The following SEMA6D variants were observed in gnomAD, a reference collection of about 807,000 sequenced individuals.
SEMA6D encodes semaphorin 6D.
SEMA6D carries 35 observed loss-of-function variants against 106.6 expected under a neutral mutation model. That is an observed-to-expected ratio of 0.33 (90% CI 0.25 to 0.44). The LOEUF is 0.44. Ranked by LOEUF, SEMA6D falls within the 20% of genes least tolerant of loss-of-function variation. The pLI, the probability that SEMA6D is intolerant of heterozygous loss-of-function variation, is 1.00. For synonymous variants in SEMA6D, 499 were observed against 487.7 expected (o/e 1.02, Z -0.31); for missense variants, 1,185 against 1,345.9 (o/e 0.88, Z 1.87).
At position 47,773,543 on chromosome 15, in the gene SEMA6D, A is replaced by T. The variant is rs1357916660; in HGVS notation, c.*1758A>T. The T allele has an allele frequency of 6.6e-6, 1 of 152,290 alleles. No homozygotes were observed. The highest frequency in any genetic ancestry group is 1.5e-5 in the Non-Finnish European group (1 of 68,024). 9.4% of individuals were successfully genotyped at this position (152,290 alleles called of 1,614,324 possible). ...TAATCAGGCAAATGAGTTCAACTGG[A>T]TTTCTTTTGACAATACTGTTGGTAC... On this transcript the variant is annotated 3_prime_UTR_variant, in exon 19 of 19. Coordinates refer to ENST00000536845, the MANE Select transcript of SEMA6D (RefSeq NM_001358351.3).
chr15:47,377,579 C>A (rs1035577035), intron 1 of SEMA6D, among the ~76,000 whole-genome samples: 5 of 152,134 alleles, frequency 3.3e-5, no homozygotes, highest in Non-Finnish European at 4.4e-5. Flanking sequence ...AACAAAAAAT[C>A]ATTACTCAGT....
At chr15:47,518,330 T>C (rs982740139) in intron 3 of SEMA6D, among the ~76,000 whole-genome samples, 1 of 152,206 alleles carries the variant, frequency 6.6e-6, no homozygotes, top group African/African-American at 2.4e-5. Flanking sequence ...CTTTGTCTTA[T>C]CTATTTGCTA....
intron 1 of SEMA6D, among the ~76,000 whole-genome samples, chr15:47,243,650 A>T (rs2141814656): frequency 6.6e-6 from 1 of 152,282 alleles, no homozygotes; most frequent in East Asian, 1.9e-4. Context: ...CTCTGTGTAC[A>T]ATGCCTTGAT....
chr15:47,270,044 T>C (rs2142238838), intron 1 of SEMA6D, among the ~76,000 whole-genome samples: 1 of 151,264 alleles, frequency 6.6e-6, no homozygotes, highest in East Asian at 1.9e-4. Context: ...GTTTCATAGT[T>C]TCTAGATTAC....
At chr15:47,401,551 A>G (rs968910491) in intron 1 of SEMA6D, among the ~76,000 whole-genome samples, 1 of 152,046 alleles carries the variant, frequency 6.6e-6, no homozygotes, top group African/African-American at 2.4e-5. Flanking sequence ...TCTTCCTTCC[A>G]CCTGCTCACC....
chr15:47,251,605 AT>A (rs2033515356), intron 1 of SEMA6D, among the ~76,000 whole-genome samples: 1 of 152,202 alleles, frequency 6.6e-6, no homozygotes, highest in Non-Finnish European at 1.5e-5. Context: ...TTATTTTCAA[AT>A]TAATGACTGT....
intron 1 of SEMA6D, among the ~76,000 whole-genome samples, chr15:47,753,813 C>T (rs781157260): frequency 2.6e-5 from 4 of 152,130 alleles, no homozygotes; most frequent in Non-Finnish European, 5.9e-5. Flanking sequence ...CATCGGGAAA[C>T]TAAAAGGAAC....
chr15:47,575,109 A>G (rs1433451416), intron 3 of SEMA6D, among the ~76,000 whole-genome samples: 3 of 152,248 alleles, frequency 2.0e-5, no homozygotes, highest in South Asian at 2.1e-4. Context: ...GCTGATGGAA[A>G]CAAGGGCATC....
intron 1 of SEMA6D, among the ~76,000 whole-genome samples, chr15:47,202,233 G>A (rs572157586): frequency 6.6e-6 from 1 of 151,930 alleles, no homozygotes; most frequent in Non-Finnish European, 1.5e-5. Context: ...GTTACACTGC[G>A]TCTCTAAAAT....
intron 1 of SEMA6D, among the ~76,000 whole-genome samples, chr15:47,749,018 C>T (rs2081286027): frequency 7.8e-6 from 1 of 127,714 alleles, no homozygotes. Context: ...AACACAAGTG[C>T]CTGAGAAGAA....
intron 3 of SEMA6D, among the ~76,000 whole-genome samples, chr15:47,541,178 T>C (rs1184752770): frequency 6.6e-6 from 1 of 152,168 alleles, no homozygotes; most frequent in African/African-American, 2.4e-5. Context: ...GTAAAGAACA[T>C]TGCAAATAAG....
At chr15:47,674,039 T>A (rs554152888) in intron 4 of SEMA6D, among the ~76,000 whole-genome samples, 1 of 152,280 alleles carries the variant, frequency 6.6e-6, no homozygotes, top group East Asian at 1.9e-4. Context: ...CCGGACACTC[T>A]CTTTCTATCT....
chr15:47,702,905 A>C (rs2078841895), intron 4 of SEMA6D, among the ~76,000 whole-genome samples: 1 of 152,102 alleles, frequency 6.6e-6, no homozygotes, highest in Non-Finnish European at 1.5e-5. Context: ...AAGGCAGTGG[A>C]ACTGCTCTGT....
intron 1 of SEMA6D, among the ~76,000 whole-genome samples, chr15:47,382,500 C>T (rs1279931859): frequency 2.6e-5 from 4 of 152,028 alleles, no homozygotes; most frequent in Non-Finnish European, 4.4e-5. Context: ...GAGCGAGACT[C>T]CGTCTCAAAA....
chr15:47,615,843 A>T (rs1436200433), intron 4 of SEMA6D, among the ~76,000 whole-genome samples: 1 of 152,242 alleles, frequency 6.6e-6, no homozygotes, highest in African/African-American at 2.4e-5. Flanking sequence ...TTTCAGATGG[A>T]TTGTTAAAAA....
At chr15:47,557,043 G>A (rs1028323883) in intron 3 of SEMA6D, among the ~76,000 whole-genome samples, 5 of 152,144 alleles carry the variant, frequency 3.3e-5, no homozygotes, top group Non-Finnish European at 5.9e-5. Flanking sequence ...TAGAGCATCT[G>A]ATAGAGAATC....
chr15:47,471,028 C>A (rs748300521), intron 3 of SEMA6D, among the ~76,000 whole-genome samples: 7 of 152,016 alleles, frequency 4.6e-5, no homozygotes, highest in Non-Finnish European at 7.4e-5. Context: ...TTGCATGATG[C>A]CTATAGATGG....
intron 2 of SEMA6D, among the ~76,000 whole-genome samples, chr15:47,422,346 A>G (rs1360259371): frequency 6.6e-6 from 1 of 152,012 alleles, no homozygotes; most frequent in African/African-American, 2.4e-5. Context: ...TGAAACTCCA[A>G]ACAGTAGAGA....
chr15:47,728,370 T>G (rs946988801), intron 1 of SEMA6D, among the ~76,000 whole-genome samples: 1 of 152,242 alleles, frequency 6.6e-6, no homozygotes, highest in South Asian at 2.1e-4. Context: ...GGAATCACTT[T>G]ATTATAATCA....
Sources: gnomAD v4.1 joint callset for allele counts (sites outside exome capture counted in the v4.1 genomes callset) on GRCh38, gnomAD v4.1.1 for gene constraint, MANE v1.5 for transcripts, NCBI Gene and HGNC (gene_info 2026-07-23, HGNC 2026-07-21) for gene names.